Variants in MFSD6 observed in about 807,000 individuals in gnomAD.
The protein encoded by MFSD6 is major facilitator superfamily domain-containing protein 6.
A neutral mutation model predicts 56.3 loss-of-function variants in MFSD6; 26 were observed. That is an observed-to-expected ratio of 0.46 (90% CI 0.34 to 0.64). The LOEUF is 0.64. Among genes scored for constraint, MFSD6 ranks in the 30% least tolerant of loss-of-function variants. The pLI is 0.01. For missense variants in MFSD6, 750 were observed against 986.2 expected (o/e 0.76, Z 3.21); for synonymous variants, 331 against 366.9 (o/e 0.90, Z 1.12).
intron 3 of MFSD6, among the ~76,000 whole-genome samples, chr2:190,448,593 A>G (rs533976204): frequency 2.6e-5 from 4 of 152,348 alleles, no homozygotes; most frequent in Admixed American, 2.6e-4. Flanking sequence ...ACAGTTATAC[A>G]AATGTTAACG....
In MFSD6 at chr2:190,494,353, A is replaced by T. The variant is rs1046872481; in HGVS notation, c.1892-3086A>T. Among the ~76,000 whole-genome samples, 5 of 152,154 alleles carry T rather than the reference A, an allele frequency of 3.3e-5. No individual in the cohort carries two copies. Among genetic ancestry groups the T allele is most frequent in the African/African-American group, 4.8e-5 (2 of 41,454 alleles). On this transcript the variant is annotated intron_variant, in intron 6 of 7. Coordinates refer to ENST00000392328, the MANE Select transcript of MFSD6 (RefSeq NM_017694.4). This position sits in a 1 kb window ranked among gnomAD's most constrained non-coding sequence, Gnocchi z 5.7. ...ACTAAGTAGTGAGACTGAATCAGTAATAAAAAAATTGCCAACAAAAAAAAG... is the reference window on the plus strand; with the variant it reads ...ACTAAGTAGTGAGACTGAATCAGTATTAAAAAAATTGCCAACAAAAAAAAG...
Position 190,447,098 on chromosome 2 carries a change from A to AAT in MFSD6, c.1532+9538_1532+9539insTA, listed in dbSNP as rs1553519060. 1.3e-4 allele frequency among the ~76,000 whole-genome samples: 20 copies of AAT among 152,026 alleles called. No homozygotes were observed. Among genetic ancestry groups the AAT allele is most frequent in the Non-Finnish European group, 2.6e-4 (18 of 67,990 alleles). ...TGATTCATAGGCTCAGTAAAAAAAA[A>AAT]AACTTGAAAGGATGTCTTGACACAC... On this transcript the variant is annotated intron_variant, in intron 3 of 7. Coordinates refer to ENST00000392328, the MANE Select transcript of MFSD6 (RefSeq NM_017694.4). This position sits in a 1 kb window ranked among gnomAD's most constrained non-coding sequence, Gnocchi z 4.5.
In MFSD6 at chr2:190,457,625, C is replaced by T. The variant is rs1447909059; in HGVS notation, c.1533-12133C>T. Among the ~76,000 whole-genome samples, 3 of 152,198 alleles carry T rather than the reference C, an allele frequency of 2.0e-5. No homozygotes were observed. The highest frequency in any genetic ancestry group is 4.4e-5 in the Non-Finnish European group (3 of 68,036). On this transcript the variant is annotated intron_variant, in intron 3 of 7. Coordinates refer to ENST00000392328, the MANE Select transcript of MFSD6 (RefSeq NM_017694.4). This position sits in a 1 kb window ranked among gnomAD's most constrained non-coding sequence, Gnocchi z 5.1. ...TCAGACACTTCTGCATGTACTGGCT[C>T]AGGCAGAATTTGTAAAAGATGTGGC...
chr2:190,445,824 T>C (rs1034600661), intron 3 of MFSD6, among the ~76,000 whole-genome samples: 3 of 152,174 alleles, frequency 2.0e-5, no homozygotes, highest in Non-Finnish European at 4.4e-5. Context: ...GAAAGAATAA[T>C]GCTTCCTGTA....
At chr2:190,411,593 A>G in intron 1 of MFSD6, 1 of 979,268 alleles carries the variant, frequency 1.0e-6, no homozygotes, top group Non-Finnish European at 1.2e-6. Flanking sequence ...ATAAACTAAA[A>G]AGGAAAACAA....
In MFSD6 at chr2:190,439,138, C is replaced by T. The variant is rs1432758917; in HGVS notation, c.1532+1577C>T. ...GATTATCTGAGCTGTTTAAATTGAC[C>T]GAGATGAATCAGATGCCTCCCTTCA... On this transcript the variant is annotated intron_variant, in intron 3 of 7. Coordinates refer to ENST00000392328, the MANE Select transcript of MFSD6 (RefSeq NM_017694.4). This position sits in a 1 kb window ranked among gnomAD's most constrained non-coding sequence, Gnocchi z 5.8. 4.0e-5 allele frequency among the ~76,000 whole-genome samples: 6 copies of T among 151,780 alleles called. No individual in the cohort carries two copies. The highest frequency in any genetic ancestry group is 8.8e-5 in the Non-Finnish European group (6 of 67,996).
chr2:190,464,851 T>C, intron 3 of MFSD6: 1 of 926,538 alleles, frequency 1.1e-6, no homozygotes, highest in Non-Finnish European at 1.3e-6. Flanking sequence ...TAGTGGCATC[T>C]TAATAAATGT....
rs748905330 is a variant in MFSD6 at position 190,437,597 on chromosome 2, T to C, written c.1532+36T>C. The C allele has an allele frequency of 3.2e-6, 5 of 1,581,444 alleles. No individual in the cohort carries two copies. The South Asian group carries it at 4.6e-5, about 15-fold the overall frequency. ...GCTTACGATTGCTGCCCCTCAGCAA[T>C]TGAACTTTATCTTTTTATGGTTTAT... On this transcript the variant is annotated intron_variant, in intron 3 of 7. Coordinates refer to ENST00000392328, the MANE Select transcript of MFSD6 (RefSeq NM_017694.4). The surrounding 1 kb of genome is among the most constrained non-coding windows in gnomAD (Gnocchi z 5.9).
At chr2:190,448,776 A>AT (rs1439604776) in intron 3 of MFSD6, among the ~76,000 whole-genome samples, 1 of 152,096 alleles carries the variant, frequency 6.6e-6, no homozygotes, top group Admixed American at 6.5e-5. Context: ...TATCTGTAAT[A>AT]TTTTTTTCTT....
rs1356396600 is a variant in MFSD6, at chr2:190,463,181, G to A, written c.1533-6577G>A. 1.3e-5 allele frequency among the ~76,000 whole-genome samples: 2 copies of A among 152,138 alleles called. No homozygotes were observed. Among genetic ancestry groups the A allele is most frequent in the Admixed American group, 6.5e-5 (1 of 15,272 alleles). ...TATCATGGAAGATAGCTGGGAGGAG[G>A]GGGACAGTTATGAGAAAACAAATTT... On this transcript the variant is annotated intron_variant, in intron 3 of 7. Coordinates refer to ENST00000392328, the MANE Select transcript of MFSD6 (RefSeq NM_017694.4). The surrounding 1 kb of genome is among the most constrained non-coding windows in gnomAD (Gnocchi z 4.4).
Position 190,469,758 on chromosome 2 carries a change from G to A in MFSD6, c.1533G>A (p.Arg511=). 1.2e-6 allele frequency: 1 copy of A among 860,532 alleles called. No homozygotes were observed. Among genetic ancestry groups the A allele is most frequent in the East Asian group, 3.3e-5 (1 of 30,000 alleles). The allele number at this position is 860,532 out of a possible 1,614,324, so 53.3% of individuals were successfully genotyped here. A position where few individuals can be genotyped will look rare whatever the true frequency, so the allele number is the denominator to read the frequency against. ...HKLIELIGHI[R]VLYIGLACNT... ...ATTTTTATTTTTTATTTTTTTTTAG[G>A]GTTCTGTACATTGGCCTGGCCTGCA... Residue 511 remains arginine (R), a splice_region_variant and synonymous_variant, in exon 4 of 8, where the codon AGG becomes AGA. Transcript: ENST00000392328. This position sits in a 1 kb window ranked among gnomAD's most constrained non-coding sequence, Gnocchi z 5.3.
Position 190,459,665 on chromosome 2 carries a change from G to A in MFSD6, c.1533-10093G>A, listed in dbSNP as rs959302203. Among the ~76,000 whole-genome samples, 1 of 152,170 alleles carries A rather than the reference G, an allele frequency of 6.6e-6. No individual in the cohort carries two copies. Among genetic ancestry groups the A allele is most frequent in the Non-Finnish European group, 1.5e-5 (1 of 68,024 alleles). ...ACAGATAAACTAAAATAACAATGGA[G>A]AGATATAAACATGGTCACAGCACAG... On this transcript the variant is annotated intron_variant, in intron 3 of 7. Coordinates refer to ENST00000392328, the MANE Select transcript of MFSD6 (RefSeq NM_017694.4). The surrounding 1 kb of genome is among the most constrained non-coding windows in gnomAD (Gnocchi z 5.3).
intron 2 of MFSD6, among the ~76,000 whole-genome samples, chr2:190,428,329 A>G (rs13417431): frequency 0.19 from 28,935 of 152,108 alleles, 2,905 homozygotes; most frequent in East Asian, 0.29. Context: ...GTGAATATAC[A>G]TATCTTTTGG....
rs1284236234 is a variant in MFSD6 at position 190,434,453 on chromosome 2, T to C, written c.-53-1524T>C. Among the ~76,000 whole-genome samples, 4 of 152,220 alleles carry C rather than the reference T, an allele frequency of 2.6e-5. No individual in the cohort carries two copies. On this transcript the variant is annotated intron_variant, in intron 2 of 7. Transcript: ENST00000392328. This position sits in a 1 kb window ranked among gnomAD's most constrained non-coding sequence, Gnocchi z 4.3. ...TATTTTATTTTATTTATTTATTTTT[T>C]TGAGACGGAGTCTCGCTCTGTTGCC... is the stretch of plus-strand genomic sequence containing the variant.
rs2125249735 is a variant in MFSD6 at position 190,492,400 on chromosome 2, G to T, written c.1891+2534G>T. Among the ~76,000 whole-genome samples the T allele has an allele frequency of 6.6e-6, 1 of 152,266 alleles. No homozygotes were observed. Among genetic ancestry groups the T allele is most frequent in the East Asian group, 1.9e-4 (1 of 5,172 alleles). The stretch of plus-strand genomic sequence containing the variant: ...GAATCTTAAGAGCTGTGAGGCAAAA[G>T]CACCAGATAACCTATAAAGGAAAAC... On this transcript the variant is annotated intron_variant, in intron 6 of 7. Transcript: ENST00000392328. This position sits in a 1 kb window ranked among gnomAD's most constrained non-coding sequence, Gnocchi z 5.2.
intron 3 of MFSD6, among the ~76,000 whole-genome samples, chr2:190,448,884 C>G (rs1159388969): frequency 6.6e-6 from 1 of 152,038 alleles, no homozygotes; most frequent in Non-Finnish European, 1.5e-5. Flanking sequence ...AGTTTGAAAC[C>G]CATGTGTCCT....
intron 2 of MFSD6, among the ~76,000 whole-genome samples, chr2:190,430,462 C>A (rs1249030396): frequency 6.6e-6 from 1 of 151,370 alleles, no homozygotes; most frequent in African/African-American, 2.4e-5. Context: ...CTTGCACCGC[C>A]CTTAATCCAT....
chr2:190,466,528 G>T (rs1475907318), intron 3 of MFSD6, among the ~76,000 whole-genome samples: 4 of 152,166 alleles, frequency 2.6e-5, no homozygotes, highest in Non-Finnish European at 4.4e-5. Flanking sequence ...TAAAAGTTTT[G>T]TCAGAAACCA....
rs577841835 is a variant in MFSD6, at chr2:190,498,533, C to T, written c.2172+814C>T. The stretch of plus-strand genomic sequence containing the variant: ...CTCACTTTGTAAGCTAACATAAAAT[C>T]TTTGTGAAATTTTAACCAAATCTGG... On this transcript the variant is annotated intron_variant, in intron 7 of 7. Coordinates refer to ENST00000392328, the MANE Select transcript of MFSD6 (RefSeq NM_017694.4). The surrounding 1 kb of genome is among the most constrained non-coding windows in gnomAD (Gnocchi z 5.9). 7.1e-4 allele frequency among the ~76,000 whole-genome samples: 108 copies of T among 152,232 alleles called. No homozygotes were observed. Among genetic ancestry groups the T allele is most frequent in the South Asian group, 6.2e-4 (3 of 4,832 alleles).
Sources: allele counts gnomAD v4.1 joint callset (sites outside exome capture counted in the v4.1 genomes callset), GRCh38; gene constraint gnomAD v4.1.1; non-coding constraint Gnocchi (gnomAD v3.1); transcripts MANE v1.5; gene names NCBI Gene and HGNC (gene_info 2026-07-23, HGNC 2026-07-21).